Variants in PARD3 observed in about 807,000 individuals in gnomAD.
PARD3 encodes the protein partitioning defective 3 homolog.
In PARD3, 75 loss-of-function variants were observed where a neutral mutation model predicts 155.4. That is an observed-to-expected ratio of 0.48 (90% CI 0.40 to 0.58). The LOEUF (loss-of-function observed/expected upper bound fraction) is 0.58. Among genes scored for constraint, PARD3 ranks in the 20% least tolerant of loss-of-function variants. The pLI, the probability that PARD3 is intolerant of heterozygous loss-of-function variation, is 0.00. For missense variants in PARD3, 1,642 were observed against 1,721.7 expected (o/e 0.95, Z 0.82); for synonymous variants, 576 against 610.5 (o/e 0.94, Z 0.83).
chr10:34,425,950 T>G (rs939346540), intron 5 of PARD3, among the ~76,000 whole-genome samples: 1 of 152,170 alleles, frequency 6.6e-6, no homozygotes, highest in Non-Finnish European at 1.5e-5. Flanking sequence ...AACACAACAA[T>G]GATTCCAATC....
At chr10:34,257,463 T>A (rs570233312) in intron 22 of PARD3, among the ~76,000 whole-genome samples, 123 of 152,314 alleles carry the variant, frequency 8.1e-4, no homozygotes, top group South Asian at 2.1e-3. Flanking sequence ...TGAAGCAGGA[T>A]CTTGGAGCTT....
At chr10:34,350,498 G>C (rs948414071) in intron 14 of PARD3, among the ~76,000 whole-genome samples, 4 of 152,082 alleles carry the variant, frequency 2.6e-5, no homozygotes, top group African/African-American at 9.7e-5. Flanking sequence ...GCCAGGTGTG[G>C]TGGCGGGCAC....
At chr10:34,447,646 C>T (rs1435764959) in intron 5 of PARD3, among the ~76,000 whole-genome samples, 1 of 148,210 alleles carries the variant, frequency 6.7e-6, no homozygotes, top group Admixed American at 6.7e-5. Context: ...ACTAAAAATA[C>T]AAAAAAAAAT....
chr10:34,273,601 C>T (rs1246340244), intron 21 of PARD3, among the ~76,000 whole-genome samples: 1 of 152,150 alleles, frequency 6.6e-6, no homozygotes, highest in Non-Finnish European at 1.5e-5. Flanking sequence ...ATGCGAATTT[C>T]CTGGTTTTGA....
chr10:34,384,270 T>C lies in PARD3; in HGVS notation c.891-16A>G. Reference sequence around the variant, plus strand: ...CCCCAGGGTTCTGGAACATTAAGAATGCAAATGATTACACATGTAATATCT... The same window carrying C: ...CCCCAGGGTTCTGGAACATTAAGAACGCAAATGATTACACATGTAATATCT... On this transcript the variant is annotated splice_polypyrimidine_tract_variant and intron_variant, in intron 7 of 24. Transcript: ENST00000374788. The C allele has an allele frequency of 1.2e-6, 2 of 1,609,958 alleles. No homozygotes were observed. The highest frequency in any genetic ancestry group is 1.3e-5 in the African/African-American group (1 of 75,012).
intron 22 of PARD3, among the ~76,000 whole-genome samples, chr10:34,260,709 G>A (rs929964162): frequency 1.3e-5 from 2 of 152,136 alleles, no homozygotes; most frequent in South Asian, 2.1e-4. Flanking sequence ...GACTACCTTC[G>A]AGAATTACTT....
At chr10:34,501,139 T>A (rs1232594112) in intron 3 of PARD3, among the ~76,000 whole-genome samples, 2 of 152,174 alleles carry the variant, frequency 1.3e-5, no homozygotes, top group Non-Finnish European at 2.9e-5. Flanking sequence ...CTCACTGATA[T>A]GGCTTGGATA....
At chr10:34,158,921 A>G (rs1433965129) in intron 22 of PARD3, among the ~76,000 whole-genome samples, 1 of 152,234 alleles carries the variant, frequency 6.6e-6, no homozygotes, top group Non-Finnish European at 1.5e-5. Flanking sequence ...AGGCTTTGGG[A>G]CAAGTCAGAA....
At chr10:34,247,047 A>G (rs1953999634) in intron 22 of PARD3, among the ~76,000 whole-genome samples, 1 of 152,028 alleles carries the variant, frequency 6.6e-6, no homozygotes, top group African/African-American at 2.4e-5. Context: ...CCACACTCCA[A>G]CTTGGGTATC....
intron 2 of PARD3, among the ~76,000 whole-genome samples, chr10:34,555,960 T>C (rs978090219): frequency 2.0e-5 from 3 of 152,164 alleles, no homozygotes; most frequent in Admixed American, 1.3e-4. Context: ...TCCACAGAAC[T>C]TGGAGGTAGG....
At position 34,286,361 on chromosome 10, in the gene PARD3, G is replaced by A. The variant is rs1014274870; in HGVS notation, c.3066-2116C>T. ...CTTCTACTGCTTATACTCAGGTAACGAATTAGCATATAACAACATCAGACT... is the reference window on the plus strand; with the variant it reads ...CTTCTACTGCTTATACTCAGGTAACAAATTAGCATATAACAACATCAGACT... On this transcript the variant is annotated intron_variant, in intron 20 of 24. Transcript: ENST00000374788. Among the ~76,000 whole-genome samples, 7 of 151,054 alleles carry A rather than the reference G, an allele frequency of 4.6e-5. No homozygotes were observed. In the South Asian group the frequency reaches 8.3e-4, roughly 18 times the overall value.
chr10:34,425,287 T>C (rs2075539455), intron 5 of PARD3, among the ~76,000 whole-genome samples: 1 of 152,176 alleles, frequency 6.6e-6, no homozygotes, highest in African/African-American at 2.4e-5. Context: ...TTCACCAACA[T>C]TGCCTCTTAA....
At position 34,131,524 on chromosome 10, in the gene PARD3, T is replaced by C. The variant is rs968488423; in HGVS notation, c.3479A>G (p.Gln1160Arg). Residue 1160 changes from glutamine (Q) to arginine (R), a missense_variant, in exon 23 of 25, where the codon CAA becomes CGA. Coordinates refer to ENST00000374788, the MANE Select transcript of PARD3 (RefSeq NM_001184785.2). Reference sequence around the variant, plus strand: ...TTCTACATCTTCATCTTGCTTTGCTTGCTGAAATTCTTGCCTCAGACGCTG... The same window carrying C: ...TTCTACATCTTCATCTTGCTTTGCTCGCTGAAATTCTTGCCTCAGACGCTG... ...RIQRLRQEFQ[Q>R]AKQDEDVEDR... The C allele has an allele frequency of 6.2e-7, 1 of 1,613,962 alleles. No individual in the cohort carries two copies. Among genetic ancestry groups the C allele is most frequent in the Non-Finnish European group, 8.5e-7 (1 of 1,179,828 alleles).
intron 1 of PARD3, among the ~76,000 whole-genome samples, chr10:34,704,510 G>T (rs1226708307): frequency 1.3e-5 from 2 of 152,132 alleles, no homozygotes; most frequent in Non-Finnish European, 2.9e-5. Context: ...GTGAGTGGGG[G>T]CATAGCACAC....
chr10:34,678,699 T>C (rs2093756937), intron 2 of PARD3, among the ~76,000 whole-genome samples: 2 of 151,998 alleles, frequency 1.3e-5, no homozygotes, highest in South Asian at 2.1e-4. Context: ...ACAGAAAATA[T>C]CAGTATGATT....
chr10:34,136,797 C>T (rs1400783810), intron 22 of PARD3, among the ~76,000 whole-genome samples: 1 of 152,204 alleles, frequency 6.6e-6, no homozygotes, highest in East Asian at 1.9e-4. Flanking sequence ...TTCCTCACTA[C>T]TCCAGCCCAT....
intron 15 of PARD3, chr10:34,344,988 CTT>C: frequency 1.0e-6 from 1 of 985,314 alleles, no homozygotes; most frequent in South Asian, 4.7e-5. Context: ...GATTTAACGT[CTT>C]TGATTTTTTT....
intron 1 of PARD3, among the ~76,000 whole-genome samples, chr10:34,710,842 A>G (rs939361031): frequency 1.3e-5 from 2 of 152,108 alleles, no homozygotes; most frequent in East Asian, 1.9e-4. Context: ...CAGAGTTCCA[A>G]CTACCCAAAT....
At chr10:34,482,480 T>A (rs529114267) in intron 3 of PARD3, among the ~76,000 whole-genome samples, 1 of 152,070 alleles carries the variant, frequency 6.6e-6, no homozygotes, top group South Asian at 2.1e-4. Flanking sequence ...CTCTGACCAT[T>A]CAAAAAGGAA....
Sources: allele counts gnomAD v4.1 joint callset (sites outside exome capture counted in the v4.1 genomes callset), GRCh38; gene constraint gnomAD v4.1.1; transcripts MANE v1.5; gene names NCBI Gene and HGNC (gene_info 2026-07-23, HGNC 2026-07-21).